MYBBP1A: variants seen among roughly 807,000 people sequenced by gnomAD.
MYBBP1A encodes the protein MYB binding protein 1a, also known as myb-binding protein 1A.
MYBBP1A carries 147 observed loss-of-function variants against 136.3 expected under a neutral mutation model. The observed-to-expected ratio is 1.08, with a 90% confidence interval of 0.94 to 1.24. The LOEUF (loss-of-function observed/expected upper bound fraction) is 1.24. Among genes scored for constraint, MYBBP1A ranks in the 50% most tolerant of loss-of-function variants. The pLI is 0.00. For synonymous variants in MYBBP1A, 947 were observed against 735.8 expected (o/e 1.29, Z -4.65); for missense variants, 2,060 against 1,727.4 (o/e 1.19, Z -3.41).
At chr17:4,543,893 A>ACCC (rs1567606001) in intron 19 of MYBBP1A, among the ~76,000 whole-genome samples, 1 of 151,616 alleles carries the variant, frequency 6.6e-6, no homozygotes, top group African/African-American at 2.4e-5. Flanking sequence ...ACCCTTCCCC[A>ACCC]CGCCACTGCT....
Position 4,555,264 on chromosome 17 carries a change from G to T in MYBBP1A, c.61C>A (p.Arg21=), listed in dbSNP as rs1375883399. The T allele has an allele frequency of 6.2e-7, 1 of 1,611,614 alleles. No individual in the cohort carries two copies. Among genetic ancestry groups the T allele is most frequent in the Non-Finnish European group, 8.5e-7 (1 of 1,179,478 alleles). ...AATAGGCCATAGCGGTCGGCAGGCC[G>T]GGCGCCACTCTGCGTCGCTTCTCCA... The part of the protein sequence containing the change: ...SPGEATQSGA[R]PADRYGLLKH... The change falls in exon 1 of 26, where the codon CGG becomes AGG. Residue 21 remains arginine (R), a synonymous_variant. Coordinates refer to ENST00000254718, the MANE Select transcript of MYBBP1A (RefSeq NM_014520.4).
At chr17:4,543,559 G>A (rs1906667628) in intron 19 of MYBBP1A, among the ~76,000 whole-genome samples, 2 of 152,142 alleles carry the variant, frequency 1.3e-5, no homozygotes, top group Admixed American at 6.5e-5. Flanking sequence ...TATAATGGGG[G>A]CAAGAGGCAG....
chr17:4,544,338 C>T (rs1044034306), intron 19 of MYBBP1A, 151 bp downstream of exon 19: 32 of 1,006,962 alleles, frequency 3.2e-5, no homozygotes, highest in Non-Finnish European at 2.9e-6. Context: ...TGACGTGTGC[C>T]TCTAGGGCTG....
chr17:4,541,689 G>C, intron 23 of MYBBP1A, 95 bp downstream of exon 23: 1 of 1,437,024 alleles, frequency 7.0e-7, no homozygotes, highest in Non-Finnish European at 9.8e-7. Context: ...TCCCGACTCT[G>C]GACTCAGGCT....
chr17:4,552,286 C>A lies in MYBBP1A; in HGVS notation c.744G>T (p.Val248=). The A allele has an allele frequency of 6.2e-7, 1 of 1,614,034 alleles. No homozygotes were observed. Among genetic ancestry groups the A allele is most frequent in the Non-Finnish European group, 8.5e-7 (1 of 1,180,022 alleles). The change falls in exon 7 of 26, where the codon GTG becomes GTT. Residue 248 remains valine (V), a synonymous_variant. Transcript: ENST00000254718. This position sits in a 1 kb window ranked among gnomAD's most constrained non-coding sequence, Gnocchi z 4.7. ...LFSDENVPRL[V]NVLKMAASSV... Reference sequence around the variant, plus strand: ...AGGAGGCGGCCATCTTCAGCACATTCACCAGCCTGCGGAGGGCAAGGGACT... The same window carrying A: ...AGGAGGCGGCCATCTTCAGCACATTAACCAGCCTGCGGAGGGCAAGGGACT...
At position 4,542,497 on chromosome 17, in the gene MYBBP1A, C is replaced by CTG. The variant is rs780546763; in HGVS notation, c.3052_3053dup (p.Gln1018HisfsTer27). 6.2e-7 allele frequency: 1 copy of CTG among 1,612,006 alleles called. No homozygotes were observed. The highest frequency in any genetic ancestry group is 8.5e-7 in the Non-Finnish European group (1 of 1,178,796). Reference sequence around the variant, plus strand: ...GGGGCCGCACCGGGCCCGTGATATGCTGGACCAGGATGGGGAGCAGGCTCT... The same window carrying CTG: ...GGGGCCGCACCGGGCCCGTGATATGCTGTGGACCAGGATGGGGAGCAGGCTCT... On this transcript the variant is annotated frameshift_variant, in exon 22 of 26. Transcript: ENST00000254718. LOFTEE classifies it high-confidence loss of function.
In MYBBP1A at chr17:4,542,538, G is replaced by A. The variant is rs780466859; in HGVS notation, c.3019-6C>T. 4 of 1,612,436 alleles carry A rather than the reference G, an allele frequency of 2.5e-6. No individual in the cohort carries two copies. In the Admixed American group the frequency reaches 5.0e-5, roughly 20 times the overall value. ...AGCAGGCTCTGACAGAGCACCTGGTGGGGAGTGACAAGGGCTGTGAGGTGC... is the reference window on the plus strand; with the variant it reads ...AGCAGGCTCTGACAGAGCACCTGGTAGGGAGTGACAAGGGCTGTGAGGTGC... On this transcript the variant is annotated splice_region_variant and splice_polypyrimidine_tract_variant and intron_variant, in intron 21 of 25. Coordinates refer to ENST00000254718, the MANE Select transcript of MYBBP1A (RefSeq NM_014520.4).
rs762933469 is a variant in MYBBP1A, at chr17:4,548,514, C to T, written c.1556+10G>A. 6.2e-7 allele frequency: 1 copy of T among 1,613,904 alleles called. No individual in the cohort carries two copies. The highest frequency in any genetic ancestry group is 2.2e-5 in the East Asian group (1 of 44,886). ...ACCTTCGGACCTCTCCTGGGCTGCC[C>T]AAGACTCACCTGAAGAAGGCACTGC... On this transcript the variant is annotated intron_variant, in intron 11 of 25. Coordinates refer to ENST00000254718, the MANE Select transcript of MYBBP1A (RefSeq NM_014520.4). This position sits in a 1 kb window ranked among gnomAD's most constrained non-coding sequence, Gnocchi z 4.2.
rs907049454 is a variant in MYBBP1A at position 4,544,422 on chromosome 17, G to C, written c.2639+67C>G. 11 of 1,531,018 alleles carry C rather than the reference G, an allele frequency of 7.2e-6. No individual in the cohort carries two copies. The African/African-American group carries it at 1.4e-4, about 19-fold the overall frequency. 94.8% of individuals were successfully genotyped at this position (1,531,018 alleles called of 1,614,324 possible). On this transcript the variant is annotated intron_variant, in intron 19 of 25. Transcript: ENST00000254718. ...CCTTCCTGTGCAGACAGCAAGCCTA[G>C]AGCTCTGGCTCTCCTGCGCCTGGGG...
intron 19 of MYBBP1A, 25 bp downstream of exon 19, chr17:4,544,464 G>A (rs1336107560): frequency 6.5e-7 from 1 of 1,544,046 alleles, no homozygotes; most frequent in Non-Finnish European, 8.7e-7. Context: ...GGCCACACCT[G>A]CCCGCCCTGC....
In MYBBP1A at chr17:4,545,147, C is replaced by T; in HGVS notation, c.2189G>A (p.Arg730Lys). The T allele has an allele frequency of 2.5e-6, 4 of 1,613,492 alleles. No individual in the cohort carries two copies. Among genetic ancestry groups the T allele is most frequent in the Non-Finnish European group, 3.4e-6 (4 of 1,179,958 alleles). ...EDKSEEGEDN[R>K]SSESEEESEG... is the part of the protein sequence containing the mutation. ...GCTCTCCTCTTCACTCTCTGAGCTTCTGTTGTCCTCACCTTCCTCGCTCTT... is the reference window on the plus strand; with the variant it reads ...GCTCTCCTCTTCACTCTCTGAGCTTTTGTTGTCCTCACCTTCCTCGCTCTT... The change falls in exon 17 of 26, where the codon AGA becomes AAA. Residue 730 changes from arginine to lysine, a missense_variant. Physicochemically the swap from Arg to Lys is conservative, Grantham distance 26. Transcript: ENST00000254718.
At chr17:4,544,021 G>A (rs750393088) in intron 19 of MYBBP1A, among the ~76,000 whole-genome samples, 6 of 152,148 alleles carry the variant, frequency 3.9e-5, no homozygotes, top group Admixed American at 1.3e-4. Context: ...ACCAGCTCCC[G>A]TCAGGATGCT....
At position 4,544,551 on chromosome 17, in the gene MYBBP1A, G is replaced by A; in HGVS notation, c.2577C>T (p.Ser859=). 3 of 1,561,334 alleles carry A rather than the reference G, an allele frequency of 1.9e-6. No individual in the cohort carries two copies. The highest frequency in any genetic ancestry group is 2.6e-6 in the Non-Finnish European group (3 of 1,153,256). ...LEPLLSIIRR[S]LRSSSSKQEQ... ...CCTGTTTGGAGCTGCTGCTGCGCAG[G>A]CTGCGCCGGATGATGCTCAGCAGCG... Residue 859 remains serine, a synonymous_variant, in exon 19 of 26, where the codon AGC becomes AGT. Coordinates refer to ENST00000254718, the MANE Select transcript of MYBBP1A (RefSeq NM_014520.4).
Position 4,552,163 on chromosome 17 carries a change from C to T in MYBBP1A, c.867G>A (p.Val289=). 1 of 1,614,224 alleles carries T rather than the reference C, an allele frequency of 6.2e-7. No individual in the cohort carries two copies. Among genetic ancestry groups the T allele is most frequent in the Non-Finnish European group, 8.5e-7 (1 of 1,180,020 alleles). The change falls in exon 7 of 26, where the codon GTG becomes GTA. Residue 289 remains valine, a synonymous_variant. Coordinates refer to ENST00000254718, the MANE Select transcript of MYBBP1A (RefSeq NM_014520.4). The surrounding 1 kb of genome is among the most constrained non-coding windows in gnomAD (Gnocchi z 4.7). ...DKFPRFWKEV[V]EQGLLKMQFW... ...ACTGCATCTTCAGCAGCCCTTGTTC[C>T]ACCACCTCCTTCCAGAACCGTGGGA... is the stretch of plus-strand genomic sequence containing the variant.
Position 4,544,850 on chromosome 17 carries a change from G to A in MYBBP1A, c.2382C>T (p.Ala794=). The A allele has an allele frequency of 6.2e-7, 1 of 1,607,528 alleles. No individual in the cohort carries two copies. The highest frequency in any genetic ancestry group is 8.5e-7 in the Non-Finnish European group (1 of 1,177,628). ...GCAGCTTCTGCTCGGCAAAGAGGCT[G>A]GCGAGGCTCTGGTCCAGGGCCATCA... The part of the protein sequence containing the change: ...EAMMALDQSL[A]SLFAEQKLRI... Residue 794 remains alanine, a synonymous_variant, in exon 18 of 26, where the codon GCC becomes GCT. Transcript: ENST00000254718.
At position 4,544,836 on chromosome 17, in the gene MYBBP1A, T is replaced by C; in HGVS notation, c.2396A>G (p.Glu799Gly). 1.2e-6 allele frequency: 2 copies of C among 1,608,100 alleles called. No individual in the cohort carries two copies. The highest frequency in any genetic ancestry group is 1.7e-6 in the Non-Finnish European group (2 of 1,177,772). The change falls in exon 18 of 26, where the codon GAG (glutamate) becomes GGG (glycine). Residue 799 changes from glutamate (E) to glycine (G), a missense_variant. By Grantham distance (98) the Glu-to-Gly change is moderately conservative. Coordinates refer to ENST00000254718, the MANE Select transcript of MYBBP1A (RefSeq NM_014520.4). Reference protein sequence around the residue: ...LDQSLASLFAEQKLRIQARRD... With the variant: ...LDQSLASLFAGQKLRIQARRD... ...CCGGGCCTGGATACGCAGCTTCTGC[T>C]CGGCAAAGAGGCTGGCGAGGCTCTG...
rs747247332 is a variant in MYBBP1A, at chr17:4,542,912, C to G, written c.2892+1G>C. ...CTGCTCCTGGGCCAGGCCCTGCTCA[C>G]CTGCGGGCCCGTGGGCATGTGGCTG... is the stretch of plus-strand genomic sequence containing the variant. On this transcript the variant is annotated splice_donor_variant, in intron 20 of 25. Coordinates refer to ENST00000254718, the MANE Select transcript of MYBBP1A (RefSeq NM_014520.4). LOFTEE classifies it high-confidence loss of function. The G allele has an allele frequency of 5.0e-6, 8 of 1,613,796 alleles. No homozygotes were observed. The South Asian group carries it at 8.8e-5, about 18-fold the overall frequency.
chr17:4,547,845 C>G, intron 13 of MYBBP1A, 113 bp downstream of exon 13: 3 of 930,390 alleles, frequency 3.2e-6, no homozygotes, highest in Non-Finnish European at 4.5e-6. Context: ...CCCAACTTAA[C>G]TCCCCCAGAA....
chr17:4,540,878 C>T (rs1255499658), intron 24 of MYBBP1A, among the ~76,000 whole-genome samples: 1 of 151,180 alleles, frequency 6.6e-6, no homozygotes, highest in Admixed American at 6.6e-5. Flanking sequence ...CGCCAGCTTC[C>T]GGGAGCCCTG....
Sources: gnomAD v4.1 joint callset for allele counts (sites outside exome capture counted in the v4.1 genomes callset) on GRCh38, gnomAD v4.1.1 for gene constraint, Gnocchi (gnomAD v3.1) non-coding constraint, MANE v1.5 for transcripts, NCBI Gene and HGNC (gene_info 2026-07-23, HGNC 2026-07-21) for gene names.